JMJD1C: variants seen among roughly 807,000 people sequenced by gnomAD.
The protein encoded by JMJD1C is jumonji domain containing 1C.
JMJD1C carries 31 observed loss-of-function variants against 245.3 expected under a neutral mutation model. The ratio of observed to expected loss-of-function variants is 0.13; its 90% CI spans 0.09 to 0.17. The LOEUF (loss-of-function observed/expected upper bound fraction) is 0.17. Ranked by LOEUF, JMJD1C falls within the 10% of genes least tolerant of loss-of-function variation. JMJD1C has a pLI of 1.00. For missense variants in JMJD1C, 2,691 were observed against 3,000.2 expected, an observed-to-expected ratio of 0.90 and a Z score of 2.41; for synonymous variants, 1,057 against 1,017.4, an observed-to-expected ratio of 1.04 and a Z score of -0.74.
In JMJD1C at chr10:63,168,074, C is replaced by A. The variant is rs1444163213; in HGVS notation, c.7594G>T (p.Asp2532Tyr). Residue 2532 changes from aspartate to tyrosine, a missense_variant, in exon 26 of 26, where the codon GAT becomes TAT. By Grantham distance (160) the Asp-to-Tyr change is radical. Coordinates refer to ENST00000399262, the MANE Select transcript of JMJD1C (RefSeq NM_032776.3). ...TTTTCTTCCATATCCTCTACTTCAT[C>A]CTCGTGTATCTTCAAGGCTCTCACC... ...EMVRALKIHE[D>Y]EVEDMEEN 1.3e-5 allele frequency: 21 copies of A among 1,603,354 alleles called. No homozygotes were observed. Among genetic ancestry groups the A allele is most frequent in the Non-Finnish European group, 1.7e-5 (20 of 1,171,026 alleles).
At chr10:63,461,946 A>G (rs1245300294) in intron 1 of JMJD1C, among the ~76,000 whole-genome samples, 1 of 152,200 alleles carries the variant, frequency 6.6e-6, no homozygotes, top group East Asian at 1.9e-4. Context: ...TCAAGGAGAC[A>G]AATATTATGC....
chr10:63,435,498 G>T (rs1022685001), intron 1 of JMJD1C, among the ~76,000 whole-genome samples: 3 of 152,214 alleles, frequency 2.0e-5, no homozygotes, highest in Admixed American at 6.5e-5. Context: ...ACTTGGAAAA[G>T]AAATTTCTAA....
At chr10:63,464,895 G>T (rs1203014089) in intron 1 of JMJD1C, among the ~76,000 whole-genome samples, 1 of 152,082 alleles carries the variant, frequency 6.6e-6, no homozygotes, top group African/African-American at 2.4e-5. Flanking sequence ...TATCCTTTAC[G>T]GTTAGAAAGC....
intron 2 of JMJD1C, among the ~76,000 whole-genome samples, chr10:63,360,205 G>A (rs7096865): frequency 0.14 from 21,378 of 151,866 alleles, 3,455 homozygotes; most frequent in African/African-American, 0.4. Context: ...TTAGAAGAAT[G>A]ATCCTCTCAC....
At chr10:63,410,207 G>A (rs1418573794) in intron 1 of JMJD1C, among the ~76,000 whole-genome samples, 2 of 152,008 alleles carry the variant, frequency 1.3e-5, no homozygotes, top group South Asian at 2.1e-4. Context: ...TACATACAGT[G>A]ACATATAACA....
At chr10:63,460,162 G>A (rs778923283) in intron 1 of JMJD1C, among the ~76,000 whole-genome samples, 3 of 152,044 alleles carry the variant, frequency 2.0e-5, no homozygotes, top group African/African-American at 2.4e-5. Context: ...AAGATAGAAT[G>A]GATACTGCGG....
intron 3 of JMJD1C, among the ~76,000 whole-genome samples, chr10:63,227,467 A>C (rs1849435918): frequency 6.6e-6 from 1 of 152,246 alleles, no homozygotes; most frequent in African/African-American, 2.4e-5. Flanking sequence ...TGTCTAGAGT[A>C]GCACTTTCAT....
chr10:63,277,731 C>CTTATTTTTTTTTTTTTTT (rs1856943819), intron 2 of JMJD1C, among the ~76,000 whole-genome samples: 1 of 64,262 alleles, frequency 1.6e-5, no homozygotes, highest in Admixed American at 2.3e-4. Context: ...ATTTGCATTT[C>CTTATTTTTTTTTTTTTTT]TTTTTTTTTT....
chr10:63,387,629 A>ATTATTT (rs1554915200), intron 1 of JMJD1C, among the ~76,000 whole-genome samples: 1 of 37,840 alleles, frequency 2.6e-5, no homozygotes, highest in African/African-American at 1.2e-4. Context: ...GAAAAAAAAA[A>ATTATTT]TTTTTTTTTT....
rs1226564776 is a variant in JMJD1C, at chr10:63,274,054, T to C, written c.334-9290A>G. On this transcript the variant is annotated intron_variant, in intron 2 of 25. Coordinates refer to ENST00000399262, the MANE Select transcript of JMJD1C (RefSeq NM_032776.3). ...ACTCAAAAACAAAAAAGCAAAAAAC[T>C]CTGACAAGTTCAATGATCTAGCAAT... Among the ~76,000 whole-genome samples, 5 of 152,032 alleles carry C rather than the reference T, an allele frequency of 3.3e-5. No individual in the cohort carries two copies. In the East Asian group the frequency reaches 7.7e-4, roughly 23 times the overall value.
intron 1 of JMJD1C, among the ~76,000 whole-genome samples, chr10:63,445,333 TA>T (rs1951647953): frequency 6.6e-6 from 1 of 152,132 alleles, no homozygotes; most frequent in Non-Finnish European, 1.5e-5. Flanking sequence ...TTAGATAAGG[TA>T]GTCTTCAAAG....
chr10:63,267,298 A>C (rs1030348026), intron 2 of JMJD1C, among the ~76,000 whole-genome samples: 1 of 152,212 alleles, frequency 6.6e-6, no homozygotes, highest in Non-Finnish European at 1.5e-5. Flanking sequence ...ATGAAGTGAT[A>C]TTAAAATACA....
chr10:63,413,985 CTTTTTTT>C (rs397846162), intron 1 of JMJD1C, among the ~76,000 whole-genome samples: 5 of 132,018 alleles, frequency 3.8e-5, no homozygotes, highest in South Asian at 4.7e-4. Context: ...GCTATCAATA[CTTTTTTT>C]TTTTTTTTTT....
chr10:63,292,479 T>C (rs1392304984), intron 2 of JMJD1C, among the ~76,000 whole-genome samples: 2 of 151,564 alleles, frequency 1.3e-5, no homozygotes, highest in African/African-American at 4.9e-5. Flanking sequence ...CACATGGTGT[T>C]GCATGCCTAT....
intron 1 of JMJD1C, among the ~76,000 whole-genome samples, chr10:63,437,752 G>C (rs1951138343): frequency 6.6e-6 from 1 of 152,138 alleles, no homozygotes; most frequent in African/African-American, 2.4e-5. Flanking sequence ...TGAAACTGCT[G>C]ATCAAGGTTA....
At chr10:63,417,927 T>C (rs569215040) in intron 1 of JMJD1C, among the ~76,000 whole-genome samples, 6 of 152,292 alleles carry the variant, frequency 3.9e-5, no homozygotes, top group African/African-American at 1.4e-4. Context: ...CTATTTCAGG[T>C]CATAATTTTG....
chr10:63,402,296 A>G (rs1042020276), intron 1 of JMJD1C, among the ~76,000 whole-genome samples: 1 of 152,186 alleles, frequency 6.6e-6, no homozygotes, highest in African/African-American at 2.4e-5. Context: ...TAAAATGAGA[A>G]AGTAAGTACA....
chr10:63,430,191 C>G (rs553363000), intron 1 of JMJD1C, among the ~76,000 whole-genome samples: 1 of 152,274 alleles, frequency 6.6e-6, no homozygotes, highest in African/African-American at 2.4e-5. Flanking sequence ...ACAAAACTAA[C>G]TCAAAACAAA....
intron 1 of JMJD1C, among the ~76,000 whole-genome samples, chr10:63,412,001 T>C (rs1306336095): frequency 1.3e-5 from 2 of 149,978 alleles, no homozygotes; most frequent in Non-Finnish European, 3.0e-5. Context: ...GCTCCAGCTA[T>C]TTGCCCACCT....
Sources: allele counts gnomAD v4.1 joint callset (sites outside exome capture counted in the v4.1 genomes callset), GRCh38; gene constraint gnomAD v4.1.1; transcripts MANE v1.5; gene names NCBI Gene and HGNC (gene_info 2026-07-23, HGNC 2026-07-21).